The following CLGN variants were observed in gnomAD, a reference collection of about 807,000 sequenced individuals.
CLGN encodes testis tissue sperm-binding protein Li 79P.
A neutral mutation model predicts 79.1 loss-of-function variants in CLGN; 62 were observed. That is an observed-to-expected ratio of 0.78 (90% CI 0.64 to 0.97). The LOEUF (loss-of-function observed/expected upper bound fraction) is 0.97, where lower values mean the gene tolerates loss of function less well. CLGN is among the 50% of genes least tolerant of loss of function. The pLI is 0.00. For synonymous variants in CLGN, 225 were observed against 224.7 expected (o/e 1.00, Z -0.01); for missense variants, 647 against 715.5 (o/e 0.90, Z 1.09).
chr4:140,407,635 A>T (rs979123733), intron 4 of CLGN, among the ~76,000 whole-genome samples: 2 of 151,842 alleles, frequency 1.3e-5, no homozygotes, highest in Admixed American at 6.6e-5. Context: ...GAGGTGAAAG[A>T]TCTATCTATA....
rs758737377 is a variant in CLGN, at chr4:140,419,259, C to T, written c.-9-6172G>A. 1.2e-4 allele frequency among the ~76,000 whole-genome samples: 19 copies of T among 152,002 alleles called. 1 individual carries two copies. Among genetic ancestry groups the T allele is most frequent in the East Asian group, 7.7e-4 (4 of 5,164 alleles). ...GGGAGTTATACCTAATGCTAGATAA[C>T]GAGTTAGTGGGTGCAGTGCACCAGT... On this transcript the variant is annotated intron_variant, in intron 1 of 14. Transcript: ENST00000325617.
intron 2 of CLGN, among the ~76,000 whole-genome samples, chr4:140,411,802 G>C (rs1578603645): frequency 6.6e-6 from 1 of 152,122 alleles, no homozygotes; most frequent in African/African-American, 2.4e-5. Flanking sequence ...TTTATAGATT[G>C]ACAAAACGGG....
In CLGN at chr4:140,412,970, C is replaced by T. The variant is rs1385879037; in HGVS notation, c.109G>A (p.Glu37Lys). 2.5e-6 allele frequency: 4 copies of T among 1,613,438 alleles called. No individual in the cohort carries two copies. In the South Asian group the frequency reaches 4.4e-5, roughly 18 times the overall value. ...ETEDFEENSEEIDVNESELSS... is the reference protein window; with the variant it reads ...ETEDFEENSEKIDVNESELSS... ...AGTTCACTTTCATTAACATCAATTT[C>T]TTCTGAATTTTCTTCAAAGTCTTCC... Residue 37 changes from glutamate to lysine, a missense_variant, in exon 2 of 15, where the codon GAA (glutamate) becomes AAA (lysine). Physicochemically the swap from Glu to Lys is moderately conservative, Grantham distance 56 (BLOSUM62 1). Transcript: ENST00000325617.
At chr4:140,396,738 A>G (rs1728884133) in intron 8 of CLGN, among the ~76,000 whole-genome samples, 1 of 150,768 alleles carries the variant, frequency 6.6e-6, no homozygotes, top group African/African-American at 2.4e-5. Flanking sequence ...TTGTATTTTT[A>G]GTAGAGATGG....
chr4:140,401,803 G>A (rs977255158), intron 6 of CLGN, among the ~76,000 whole-genome samples, 182 bp downstream of exon 6: 1 of 152,022 alleles, frequency 6.6e-6, no homozygotes, highest in Non-Finnish European at 1.5e-5. Flanking sequence ...ATGCCTTCAA[G>A]TAACACAGCT....
chr4:140,401,931 T>A, intron 6 of CLGN, 54 bp downstream of exon 6: 1 of 979,406 alleles, frequency 1.0e-6, no homozygotes, highest in Non-Finnish European at 1.5e-6. Context: ...CATTTGTTCC[T>A]TAAAAATACT....
At chr4:140,402,846 A>C (rs1729024494) in intron 5 of CLGN, among the ~76,000 whole-genome samples, 2 of 152,180 alleles carry the variant, frequency 1.3e-5, no homozygotes, top group African/African-American at 4.8e-5. Flanking sequence ...ATGGCTGTCA[A>C]ACAGTAAAAA....
At chr4:140,397,733 A>G (rs1274555127) in intron 8 of CLGN, among the ~76,000 whole-genome samples, 1 of 151,932 alleles carries the variant, frequency 6.6e-6, no homozygotes, top group Non-Finnish European at 1.5e-5. Context: ...GTGAAATCCC[A>G]TCTCTACTAA....
In CLGN at chr4:140,388,628, G is replaced by T. The variant is rs1409383739; in HGVS notation, c.*596C>A. On this transcript the variant is annotated 3_prime_UTR_variant, in exon 15 of 15. Transcript: ENST00000325617. Reference sequence around the variant, plus strand: ...CTTGTATTCAAATGTAAAATATGCTGCAATATAATCCAGTGATTTTATGAA... The same window carrying T: ...CTTGTATTCAAATGTAAAATATGCTTCAATATAATCCAGTGATTTTATGAA... 2 of 151,732 alleles carry T rather than the reference G, an allele frequency of 1.3e-5. No individual in the cohort carries two copies. The highest frequency in any genetic ancestry group is 3.0e-5 in the Non-Finnish European group (2 of 67,766). The allele number at this position is 151,732 out of a possible 1,614,324, so 9.4% of individuals were successfully genotyped here. A position where few individuals can be genotyped will look rare whatever the true frequency, so the allele number is the denominator to read the frequency against.
intron 6 of CLGN, 151 bp from the exon 7 acceptor site, chr4:140,400,700 C>T (rs979163816): frequency 3.7e-6 from 2 of 545,576 alleles, no homozygotes; most frequent in Non-Finnish European, 6.3e-6. Context: ...CAATAAAGGA[C>T]ATGGGAAAAT....
chr4:140,427,258 G>A (rs1297831417), intron 1 of CLGN, among the ~76,000 whole-genome samples: 6 of 152,176 alleles, frequency 3.9e-5, no homozygotes, highest in African/African-American at 7.2e-5. Flanking sequence ...CAGCCCGGGC[G>A]CAGCAGGTGG....
At position 140,413,080 on chromosome 4, in the gene CLGN, T is replaced by C. The variant is rs1729245823; in HGVS notation, c.-2A>G. On this transcript the variant is annotated 5_prime_UTR_variant, in exon 2 of 15. Transcript: ENST00000325617. ...TAGCCAAAAGGCTTGGAAATGCATA[T>C]TGATTATCTGTGAAATTAAAAGTAA... 2 of 1,606,716 alleles carry C rather than the reference T, an allele frequency of 1.2e-6. No homozygotes were observed. The highest frequency in any genetic ancestry group is 1.3e-5 in the African/African-American group (1 of 74,494).
intron 4 of CLGN, among the ~76,000 whole-genome samples, chr4:140,407,073 T>C (rs1729122405): frequency 6.6e-6 from 1 of 152,110 alleles, no homozygotes; most frequent in African/African-American, 2.4e-5. Flanking sequence ...CAAAGAGGGG[T>C]AATTTTTGGT....
intron 4 of CLGN, among the ~76,000 whole-genome samples, chr4:140,408,702 C>A (rs1053955126): frequency 1.3e-5 from 2 of 151,744 alleles, no homozygotes; most frequent in Non-Finnish European, 2.9e-5. Flanking sequence ...AAAAAGGGAA[C>A]ATTTATACAC....
At chr4:140,420,242 C>G (rs1455129812) in intron 1 of CLGN, among the ~76,000 whole-genome samples, 3 of 152,106 alleles carry the variant, frequency 2.0e-5, no homozygotes, top group Non-Finnish European at 2.9e-5. Flanking sequence ...CTTAACTCAA[C>G]CAGAGCACCC....
rs1476332729 is a variant in CLGN, at chr4:140,389,154, T to C, written c.*70A>G. ...ACAGGATGTGCAGACTGATTAAAGT[T>C]CAGGTCTGGCATGCTGATTTTTACA... On this transcript the variant is annotated 3_prime_UTR_variant, in exon 15 of 15. Coordinates refer to ENST00000325617, the MANE Select transcript of CLGN (RefSeq NM_004362.3). 8.5e-7 allele frequency: 1 copy of C among 1,174,418 alleles called. No individual in the cohort carries two copies. Among genetic ancestry groups the C allele is most frequent in the Non-Finnish European group, 1.3e-6 (1 of 783,628 alleles). 72.7% of individuals were successfully genotyped at this position (1,174,418 alleles called of 1,614,324 possible). A position where few individuals can be genotyped will look rare whatever the true frequency, so the allele number is the denominator to read the frequency against.
At chr4:140,394,877 G>A (rs1728839078) in intron 10 of CLGN, among the ~76,000 whole-genome samples, 1 of 152,002 alleles carries the variant, frequency 6.6e-6, no homozygotes, top group Non-Finnish European at 1.5e-5. Flanking sequence ...AAAAGATGTC[G>A]ATTGATATCA....
At chr4:140,391,106 T>G (rs1728763342) in intron 13 of CLGN, among the ~76,000 whole-genome samples, 1 of 151,802 alleles carries the variant, frequency 6.6e-6, no homozygotes, top group Non-Finnish European at 1.5e-5. Flanking sequence ...ATGCATTTTT[T>G]CAGTTATTGA....
At chr4:140,399,305 T>G (rs971394548) in intron 7 of CLGN, among the ~76,000 whole-genome samples, 1 of 152,226 alleles carries the variant, frequency 6.6e-6, no homozygotes, top group East Asian at 1.9e-4. Context: ...TAGCTCTGTT[T>G]TGGGACTCAT....
Sources: gnomAD v4.1 joint callset for allele counts (sites outside exome capture counted in the v4.1 genomes callset) on GRCh38, gnomAD v4.1.1 for gene constraint, MANE v1.5 for transcripts, NCBI Gene and HGNC (gene_info 2026-07-23, HGNC 2026-07-21) for gene names.